The following PITPNC1 variants were observed in gnomAD, a reference collection of about 807,000 sequenced individuals.
PITPNC1 encodes cytoplasmic phosphatidylinositol transfer protein 1.
In PITPNC1, 18 loss-of-function variants were observed where a neutral mutation model predicts 44.7. The observed-to-expected ratio is 0.40, with a 90% confidence interval of 0.28 to 0.60. PITPNC1 has a LOEUF of 0.60. PITPNC1 is among the 20% of genes least tolerant of loss of function. The probability of loss-of-function intolerance (pLI) is 0.39; values close to 1 mark genes in which losing one functional copy is unlikely to be tolerated. For missense variants in PITPNC1, 290 were observed against 418.4 expected, an observed-to-expected ratio of 0.69 and a Z score of 2.68; for synonymous variants, 141 against 149.6, an observed-to-expected ratio of 0.94 and a Z score of 0.42.
intron 1 of PITPNC1, among the ~76,000 whole-genome samples, chr17:67,425,914 A>G (rs2038758387): frequency 6.6e-6 from 1 of 152,270 alleles, no homozygotes; most frequent in Non-Finnish European, 1.5e-5. Flanking sequence ...CAACTCTGCC[A>G]TTGTAGCTCA....
chr17:67,649,647 G>A (rs1465841060), intron 6 of PITPNC1, among the ~76,000 whole-genome samples: 1 of 152,152 alleles, frequency 6.6e-6, no homozygotes, highest in Non-Finnish European at 1.5e-5. Context: ...CACTTTGGGA[G>A]GCCAAGGCAG....
rs558018292 is a variant in PITPNC1 at position 67,496,345 on chromosome 17, A to T, written c.49-36457A>T. ...CCCCCATGTAAATTACATGAAAAAT[A>T]GTTTTAGTCTTCTAACTACATTATC... On this transcript the variant is annotated intron_variant, in intron 1 of 8. Transcript: ENST00000581322. Among the ~76,000 whole-genome samples the T allele has an allele frequency of 4.0e-4, 61 of 152,318 alleles. 1 individual carries two copies. The highest frequency in any genetic ancestry group is 1.4e-3 in the African/African-American group (60 of 41,560).
chr17:67,558,099 T>C (rs1034468361), intron 4 of PITPNC1, among the ~76,000 whole-genome samples: 1 of 152,226 alleles, frequency 6.6e-6, no homozygotes, highest in Non-Finnish European at 1.5e-5. Flanking sequence ...TCAGACCTCA[T>C]GCTGCCCTCA....
intron 1 of PITPNC1, among the ~76,000 whole-genome samples, chr17:67,492,288 T>G (rs1000201108): frequency 6.6e-6 from 1 of 152,166 alleles, no homozygotes; most frequent in African/African-American, 2.4e-5. Flanking sequence ...GAGATCATTC[T>G]GGATTACCTA....
At chr17:67,536,300 C>T (rs2040526802) in intron 2 of PITPNC1, among the ~76,000 whole-genome samples, 1 of 152,006 alleles carries the variant, frequency 6.6e-6, no homozygotes, top group Non-Finnish European at 1.5e-5. Context: ...CAGCCAGCTC[C>T]GTCACCCAGG....
At chr17:67,378,268 C>A (rs1308568119) in intron 1 of PITPNC1, 66 bp downstream of exon 1, 3 of 1,071,996 alleles carry the variant, frequency 2.8e-6, no homozygotes, top group East Asian at 3.2e-5. Flanking sequence ...CGCCTCCTGG[C>A]CGGCGAGCCC....
intron 4 of PITPNC1, among the ~76,000 whole-genome samples, chr17:67,575,849 TC>T: frequency 1.4e-4 from 13 of 95,186 alleles, no homozygotes; most frequent in Admixed American, 2.5e-4. Flanking sequence ...CTTCTTTCTT[TC>T]TTTCTTTCCT....
intron 1 of PITPNC1, among the ~76,000 whole-genome samples, chr17:67,410,897 A>C (rs2038485276): frequency 2.0e-5 from 3 of 151,734 alleles, no homozygotes; most frequent in Non-Finnish European, 4.4e-5. Flanking sequence ...AGCCTGGCCA[A>C]GTTGGTGAAA....
At chr17:67,639,900 G>A (rs115864066) in intron 6 of PITPNC1, among the ~76,000 whole-genome samples, 2,582 of 152,214 alleles carry the variant, frequency 0.017, 71 homozygotes, top group African/African-American at 0.058. Flanking sequence ...TGTACCCTTC[G>A]GTACAAAGAG....
intron 1 of PITPNC1, among the ~76,000 whole-genome samples, chr17:67,405,601 C>T (rs964715185): frequency 6.6e-5 from 10 of 150,634 alleles, no homozygotes; most frequent in Admixed American, 2.0e-4. Flanking sequence ...TTCTTTCTTT[C>T]TTTCTTTCTT....
intron 1 of PITPNC1, among the ~76,000 whole-genome samples, chr17:67,462,698 ATT>A (rs34015766): frequency 0.37 from 45,050 of 121,510 alleles, 8,160 homozygotes; most frequent in Non-Finnish European, 0.46. Flanking sequence ...CACAATTGGA[ATT>A]TTTTTTTTTT....
At chr17:67,517,224 C>T (rs1461111907) in intron 1 of PITPNC1, among the ~76,000 whole-genome samples, 1 of 152,234 alleles carries the variant, frequency 6.6e-6, no homozygotes, top group Non-Finnish European at 1.5e-5. Context: ...TTAGCTTACT[C>T]TTGAAGTCAC....
intron 6 of PITPNC1, among the ~76,000 whole-genome samples, chr17:67,666,547 C>A (rs535857200): frequency 4.1e-4 from 62 of 152,166 alleles, no homozygotes; most frequent in Non-Finnish European, 5.7e-4. Context: ...CCTGCCAGGG[C>A]ATATTACTTT....
rs71139151 is a variant in PITPNC1 at position 67,502,744 on chromosome 17, C to CATTGTATTGTATTGTATTGT, written c.49-30014_49-29995dup. Among the ~76,000 whole-genome samples the CATTGTATTGTATTGTATTGT allele has an allele frequency of 4.5e-3, 619 of 137,920 alleles. 2 individuals are homozygous for CATTGTATTGTATTGTATTGT. Among genetic ancestry groups the CATTGTATTGTATTGTATTGT allele is most frequent in the African/African-American group, 7.1e-3 (247 of 34,666 alleles). The allele number at this position is 137,920 out of a possible 152,430, so 90.5% of individuals were successfully genotyped here. A position where few individuals can be genotyped will look rare whatever the true frequency, so the allele number is the denominator to read the frequency against. ...GAAGTAAGATTATTGCATTGCATTG[C>CATTGTATTGTATTGTATTGT]ATTGTATTGTATTGTATTGTATTGT... is the stretch of plus-strand genomic sequence containing the variant. On this transcript the variant is annotated intron_variant, in intron 1 of 8. Transcript: ENST00000581322.
At chr17:67,425,050 C>G (rs2038726023) in intron 1 of PITPNC1, among the ~76,000 whole-genome samples, 1 of 152,026 alleles carries the variant, frequency 6.6e-6, no homozygotes, top group Non-Finnish European at 1.5e-5. Flanking sequence ...GAGATCCACC[C>G]CCTGCCTGCA....
chr17:67,647,311 C>T (rs780815445), intron 6 of PITPNC1, among the ~76,000 whole-genome samples: 2 of 151,916 alleles, frequency 1.3e-5, no homozygotes, highest in Non-Finnish European at 2.9e-5. Context: ...TTTTCTTTTA[C>T]ACAAGGTCTC....
chr17:67,412,288 TTATC>T (rs1328371016), intron 1 of PITPNC1, among the ~76,000 whole-genome samples: 1 of 152,088 alleles, frequency 6.6e-6, no homozygotes, highest in East Asian at 1.9e-4. Context: ...ATGGGGTAAT[TTATC>T]TAGGAGGGAT....
At chr17:67,653,363 C>T (rs572621411) in intron 6 of PITPNC1, among the ~76,000 whole-genome samples, 16 of 152,284 alleles carry the variant, frequency 1.1e-4, no homozygotes, top group African/African-American at 3.6e-4. Flanking sequence ...GTGATGACTT[C>T]ACTCCAGTGA....
At chr17:67,665,482 G>C (rs1465847586) in intron 6 of PITPNC1, among the ~76,000 whole-genome samples, 5 of 152,142 alleles carry the variant, frequency 3.3e-5, no homozygotes, top group Non-Finnish European at 4.4e-5. Flanking sequence ...GTAACCCTAT[G>C]TTTAATCTTT....
Sources: allele counts gnomAD v4.1 joint callset (sites outside exome capture counted in the v4.1 genomes callset), GRCh38; gene constraint gnomAD v4.1.1; transcripts MANE v1.5; gene names NCBI Gene and HGNC (gene_info 2026-07-23, HGNC 2026-07-21).